Variants in PLG observed in about 807,000 individuals in gnomAD.
The protein encoded by PLG is plasmin.
A neutral mutation model predicts 104.4 loss-of-function variants in PLG; 41 were observed. The ratio of observed to expected loss-of-function variants is 0.39; its 90% confidence interval spans 0.31 to 0.51. The LOEUF is 0.51. Among genes scored for constraint, PLG ranks in the 20% least tolerant of loss-of-function variants. PLG has a pLI of 0.76. For synonymous variants in PLG, 337 were observed against 357.1 expected (o/e 0.94, Z 0.63); for missense variants, 891 against 1,003.6 (o/e 0.89, Z 1.52).
At chr6:160,704,686 A>G (rs1007037600) in intron 1 of PLG, among the ~76,000 whole-genome samples, 1 of 152,348 alleles carries the variant, frequency 6.6e-6, no homozygotes, top group East Asian at 1.9e-4. Context: ...AGAATGCATC[A>G]GCCAACTCCT....
rs1205497216 is a variant in PLG, at chr6:160,735,065, T to A, written c.1681+977T>A. 6.6e-6 allele frequency among the ~76,000 whole-genome samples: 1 copy of A among 151,840 alleles called. No homozygotes were observed. Among genetic ancestry groups the A allele is most frequent in the Non-Finnish European group, 1.5e-5 (1 of 67,960 alleles). ...GACACCAAGAGGGAGGAAGGAGGGG[T>A]TAGGATGGTATGAAAGATTCTACTT... On this transcript the variant is annotated intron_variant, in intron 13 of 18. Transcript: ENST00000308192. This position sits in a 1 kb window ranked among gnomAD's most constrained non-coding sequence, Gnocchi z 5.4.
chr6:160,707,647 G>T, intron 2 of PLG, 53 bp from the exon 3 acceptor site: 1 of 1,476,862 alleles, frequency 6.8e-7, no homozygotes, highest in East Asian at 2.3e-5. Flanking sequence ...ATAAACATTT[G>T]TTTTCTTTAA....
At chr6:160,728,554 A>G (rs182568406) in intron 10 of PLG, among the ~76,000 whole-genome samples, 1 of 152,270 alleles carries the variant, frequency 6.6e-6, no homozygotes, top group African/African-American at 2.4e-5. Flanking sequence ...GGGAAAAAAA[A>G]GTATACAGAT....
chr6:160,746,082 G>A (rs1778272340), intron 17 of PLG, among the ~76,000 whole-genome samples: 2 of 152,076 alleles, frequency 1.3e-5, no homozygotes, highest in African/African-American at 4.8e-5. Flanking sequence ...TTTGACCTTG[G>A]AAAATCTGAT....
At position 160,752,967 on chromosome 6, in the gene PLG, G is replaced by A; in HGVS notation, c.2339G>A (p.Trp780Ter). The change falls in exon 19 of 19, where the codon TGG becomes TAG. Residue 780 changes from tryptophan (W) to a stop codon, truncating the protein, a stop_gained. Transcript: ENST00000308192. LOFTEE classifies it high-confidence loss of function. The surrounding 1 kb of genome is among the most constrained non-coding windows in gnomAD (Gnocchi z 4.7). ...DKYILQGVTS[W>*]GLGCARPNKP... ...TACATTTTACAAGGAGTCACTTCTT[G>A]GGGTCTTGGCTGTGCACGCCCCAAT... 1.2e-6 allele frequency: 2 copies of A among 1,613,138 alleles called. No individual in the cohort carries two copies. The highest frequency in any genetic ancestry group is 1.7e-6 in the Non-Finnish European group (2 of 1,179,360).
At chr6:160,730,999 C>A in intron 10 of PLG, 52 bp from the exon 11 acceptor site, 1 of 1,555,408 alleles carries the variant, frequency 6.4e-7, no homozygotes, top group Non-Finnish European at 8.9e-7. Context: ...GTGCTGGGTG[C>A]CCCTGAATAT....
At chr6:160,716,790 A>G in intron 7 of PLG, 27 bp downstream of exon 7, 3 of 1,321,492 alleles carry the variant, frequency 2.3e-6, no homozygotes, top group Non-Finnish European at 3.3e-6. Context: ...CCCAGATTCC[A>G]GGATTTGGAC....
chr6:160,719,611 C>T lies in PLG; in HGVS notation c.1096+773C>T, dbSNP rs1311484480. The stretch of plus-strand genomic sequence containing the variant: ...TTGTTCCTTTTTTCATCTTTTTCTG[C>T]CTTCATTTAGATTGAGTTTATCTCC... On this transcript the variant is annotated intron_variant, in intron 9 of 18. Transcript: ENST00000308192. This position sits in a 1 kb window ranked among gnomAD's most constrained non-coding sequence, Gnocchi z 4.1. 6.6e-6 allele frequency among the ~76,000 whole-genome samples: 1 copy of T among 152,090 alleles called. No individual in the cohort carries two copies. Among genetic ancestry groups the T allele is most frequent in the East Asian group, 1.9e-4 (1 of 5,198 alleles).
At chr6:160,706,208 G>A in intron 1 of PLG, 199 bp from the exon 2 acceptor site, 1 of 681,682 alleles carries the variant, frequency 1.5e-6, no homozygotes, top group Non-Finnish European at 2.5e-6. Context: ...GTCTTTAGTT[G>A]CCATCTTTAT....
chr6:160,702,391 T>C (rs773364129), intron 1 of PLG, 38 bp downstream of exon 1: 2 of 1,477,036 alleles, frequency 1.4e-6, no homozygotes, highest in Non-Finnish European at 1.9e-6. Flanking sequence ...GAATTATTTT[T>C]TCTCCCACAA....
At position 160,738,559 on chromosome 6, in the gene PLG, A is replaced by C. The variant is rs372193015; in HGVS notation, c.1824A>C (p.Gly608=). Residue 608 remains glycine, a synonymous_variant, in exon 15 of 19, where the codon GGA becomes GGC. Transcript: ENST00000308192. The surrounding 1 kb of genome is among the most constrained non-coding windows in gnomAD (Gnocchi z 6.8). ...CCAGGTTTGGAATGCACTTCTGTGG[A>C]GGCACCTTGATATCCCCAGAGTGGG... ...LRTRFGMHFC[G]GTLISPEWVL... is the part of the protein sequence containing the mutation. 1.9e-6 allele frequency: 3 copies of C among 1,610,588 alleles called. No homozygotes were observed. In the African/African-American group the frequency reaches 4.0e-5, roughly 22 times the overall value.
At chr6:160,704,473 G>C (rs1777481259) in intron 1 of PLG, among the ~76,000 whole-genome samples, 2 of 152,224 alleles carry the variant, frequency 1.3e-5, no homozygotes, top group African/African-American at 4.8e-5. Context: ...TGAACTCACT[G>C]TAGGACACAC....
At chr6:160,728,845 G>A (rs1777956946) in intron 10 of PLG, among the ~76,000 whole-genome samples, 2 of 151,980 alleles carry the variant, frequency 1.3e-5, no homozygotes, top group South Asian at 2.1e-4. Context: ...CTTGAGGAAG[G>A]CAAAATTTTT....
chr6:160,716,268 G>T (rs551894505), intron 6 of PLG, among the ~76,000 whole-genome samples: 1 of 152,322 alleles, frequency 6.6e-6, no homozygotes, highest in South Asian at 2.1e-4. Context: ...CACTGATTCT[G>T]TTGAGTGATT....
chr6:160,748,396 GAAA>G (rs1325935730), intron 17 of PLG, among the ~76,000 whole-genome samples: 516 of 40,412 alleles, frequency 0.013, 58 homozygotes, highest in African/African-American at 0.038. Flanking sequence ...AAGAAAGAAA[GAAA>G]GGAAGAAAGA....
intron 2 of PLG, 100 bp downstream of exon 2, chr6:160,706,642 A>T: frequency 8.3e-7 from 1 of 1,210,984 alleles, no homozygotes; most frequent in Non-Finnish European, 1.2e-6. Context: ...AGAGAAATTT[A>T]TGGAGCCAGA....
intron 17 of PLG, among the ~76,000 whole-genome samples, chr6:160,749,605 TCAC>T (rs1778362131): frequency 7.1e-6 from 1 of 141,254 alleles, no homozygotes; most frequent in African/African-American, 2.7e-5. Flanking sequence ...ACCATTATCA[TCAC>T]TACCATTATC....
intron 10 of PLG, among the ~76,000 whole-genome samples, chr6:160,729,627 A>G (rs970451230): frequency 2.6e-5 from 4 of 152,250 alleles, no homozygotes; most frequent in Admixed American, 6.5e-5. Flanking sequence ...AGGCAGATAC[A>G]TAAGTGTACA....
chr6:160,719,368 G>A lies in PLG; in HGVS notation c.1096+530G>A, dbSNP rs1777794576. Among the ~76,000 whole-genome samples, 1 of 152,124 alleles carries A rather than the reference G, an allele frequency of 6.6e-6. No individual in the cohort carries two copies. The highest frequency in any genetic ancestry group is 2.4e-5 in the African/African-American group (1 of 41,422). Reference sequence around the variant, plus strand: ...CTCTGGGAATATTTCTTCTTCTGAAGTTCTGAACTCTCTTTATGGTGATAT... The same window carrying A: ...CTCTGGGAATATTTCTTCTTCTGAAATTCTGAACTCTCTTTATGGTGATAT... On this transcript the variant is annotated intron_variant, in intron 9 of 18. Coordinates refer to ENST00000308192, the MANE Select transcript of PLG (RefSeq NM_000301.5). The surrounding 1 kb of genome is among the most constrained non-coding windows in gnomAD (Gnocchi z 4.1).
Sources: allele counts gnomAD v4.1 joint callset (sites outside exome capture counted in the v4.1 genomes callset), GRCh38; gene constraint gnomAD v4.1.1; non-coding constraint Gnocchi (gnomAD v3.1); transcripts MANE v1.5; gene names NCBI Gene and HGNC (gene_info 2026-07-23, HGNC 2026-07-21).